The following DSCAML1 variants were observed in gnomAD, a reference collection of about 807,000 sequenced individuals.
The protein encoded by DSCAML1 is cell adhesion molecule DSCAML1.
A neutral mutation model predicts 200.5 loss-of-function variants in DSCAML1; 38 were observed. That is an observed-to-expected ratio of 0.19 (90% CI 0.15 to 0.25). DSCAML1 has a LOEUF of 0.25. DSCAML1 is among the 10% of genes least tolerant of loss of function. The probability of loss-of-function intolerance (pLI) is 1.00; values close to 1 mark genes in which losing one functional copy is unlikely to be tolerated. For synonymous variants in DSCAML1, 1,215 were observed against 1,165.0 expected (o/e 1.04, Z -0.87); for missense variants, 2,223 against 2,858.8 (o/e 0.78, Z 5.07).
intron 3 of DSCAML1, among the ~76,000 whole-genome samples, chr11:117,608,411 T>C (rs2137525056): frequency 6.6e-6 from 1 of 152,344 alleles, no homozygotes; most frequent in East Asian, 1.9e-4. Flanking sequence ...TCTATTAACA[T>C]TTTGGTGTCT....
chr11:117,435,158 A>G (rs1209223569), intron 27 of DSCAML1, among the ~76,000 whole-genome samples: 1 of 152,240 alleles, frequency 6.6e-6, no homozygotes, highest in African/African-American at 2.4e-5. Flanking sequence ...GGCATCAGGT[A>G]ATGGAAAAAG....
intron 11 of DSCAML1, among the ~76,000 whole-genome samples, chr11:117,482,801 C>G (rs936310382): frequency 6.6e-6 from 1 of 152,218 alleles, no homozygotes; most frequent in Non-Finnish European, 1.5e-5. Context: ...CTCCCACATT[C>G]ATGGATCCCC....
At chr11:117,506,979 C>A (rs964910877) in intron 8 of DSCAML1, among the ~76,000 whole-genome samples, 19 of 152,150 alleles carry the variant, frequency 1.2e-4, no homozygotes, top group African/African-American at 4.3e-4. Flanking sequence ...GCCTTCCTCC[C>A]GCTAGAAATG....
intron 3 of DSCAML1, among the ~76,000 whole-genome samples, chr11:117,554,589 C>G (rs1224806626): frequency 6.6e-6 from 1 of 152,166 alleles, no homozygotes; most frequent in Admixed American, 6.5e-5. Context: ...GTTGACCAGG[C>G]TGGTCTCGAA....
upstream of DSCAML1, chr11:117,802,038 AAG>A (rs1388886286): frequency 6.6e-6 from 1 of 152,268 alleles, no homozygotes; most frequent in Non-Finnish European, 1.5e-5. Flanking sequence ...TATGGAAACT[AAG>A]AGAGATAGGA....
intron 3 of DSCAML1, among the ~76,000 whole-genome samples, chr11:117,549,420 G>C (rs1252246319): frequency 6.6e-6 from 1 of 152,200 alleles, no homozygotes; most frequent in African/African-American, 2.4e-5. Context: ...ATGAATCTTG[G>C]CTACTCTGCC....
At chr11:117,634,746 G>T (rs186673615) in intron 3 of DSCAML1, among the ~76,000 whole-genome samples, 1 of 152,298 alleles carries the variant, frequency 6.6e-6, no homozygotes, top group Admixed American at 6.5e-5. Flanking sequence ...GTCCCCAGCT[G>T]CAAGGTGGTC....
Position 117,469,028 on chromosome 11 carries a change from C to T in DSCAML1, c.3024+882G>A, listed in dbSNP as rs2048636045. On this transcript the variant is annotated intron_variant, in intron 16 of 32. Coordinates refer to ENST00000651296, the MANE Select transcript of DSCAML1 (RefSeq NM_020693.4). The surrounding 1 kb of genome is among the most constrained non-coding windows in gnomAD (Gnocchi z 4.1). ...GAAGGCCCTGAGAATGCTCTCTGAT[C>T]CAGAGCCCTGTGCAGTGGCTGTGGA... Among the ~76,000 whole-genome samples, 1 of 152,154 alleles carries T rather than the reference C, an allele frequency of 6.6e-6. No individual in the cohort carries two copies. The highest frequency in any genetic ancestry group is 2.4e-5 in the African/African-American group (1 of 41,422).
intron 4 of DSCAML1, among the ~76,000 whole-genome samples, chr11:117,529,228 C>A (rs912232306): frequency 1.3e-5 from 2 of 152,090 alleles, no homozygotes; most frequent in Non-Finnish European, 2.9e-5. Flanking sequence ...CAGGTATGTG[C>A]CACCACACTC....
chr11:117,746,166 G>T (rs1398443246), intron 3 of DSCAML1, among the ~76,000 whole-genome samples: 1 of 132,306 alleles, frequency 7.6e-6, no homozygotes, highest in Admixed American at 8.7e-5. Flanking sequence ...AGCTTACAGT[G>T]AGCCCAGATC....
At chr11:117,439,180 A>G in intron 23 of DSCAML1, 86 bp downstream of exon 23, 1 of 1,546,012 alleles carries the variant, frequency 6.5e-7, no homozygotes, top group East Asian at 2.3e-5. Context: ...GGCTTCTTCC[A>G]TTCGATGACC....
intron 3 of DSCAML1, among the ~76,000 whole-genome samples, chr11:117,593,134 T>C (rs2095795560): frequency 6.6e-6 from 1 of 152,104 alleles, no homozygotes; most frequent in Non-Finnish European, 1.5e-5. Context: ...GTGAGGGGCA[T>C]AGGCCCAGCT....
At chr11:117,435,453 A>G (rs1280587032) in intron 27 of DSCAML1, among the ~76,000 whole-genome samples, 191 bp downstream of exon 27, 1 of 152,256 alleles carries the variant, frequency 6.6e-6, no homozygotes, top group Non-Finnish European at 1.5e-5. Flanking sequence ...TCTTGGGGGC[A>G]TAGAGGAGGA....
intron 3 of DSCAML1, among the ~76,000 whole-genome samples, chr11:117,749,519 T>C (rs145222085): frequency 6.6e-6 from 1 of 152,298 alleles, no homozygotes; most frequent in East Asian, 1.9e-4. Flanking sequence ...AAAACAGCTT[T>C]ATAAGCCCTC....
chr11:117,667,170 G>A (rs2052996082), intron 3 of DSCAML1, among the ~76,000 whole-genome samples: 1 of 152,204 alleles, frequency 6.6e-6, no homozygotes, highest in Non-Finnish European at 1.5e-5. Context: ...CCAGCACTTC[G>A]GGAGGCCAAG....
At chr11:117,688,420 T>C (rs1191967065) in intron 3 of DSCAML1, among the ~76,000 whole-genome samples, 1 of 152,092 alleles carries the variant, frequency 6.6e-6, no homozygotes, top group Admixed American at 6.5e-5. Flanking sequence ...GGACAAGAGT[T>C]GGGAAGGATA....
chr11:117,632,114 C>T (rs973089101), intron 3 of DSCAML1, among the ~76,000 whole-genome samples: 12 of 152,310 alleles, frequency 7.9e-5, no homozygotes, highest in South Asian at 6.2e-4. Flanking sequence ...CAGACACGAC[C>T]GGAGGCTTTT....
At chr11:117,608,152 A>G (rs527846777) in intron 3 of DSCAML1, among the ~76,000 whole-genome samples, 1 of 152,348 alleles carries the variant, frequency 6.6e-6, no homozygotes, top group South Asian at 2.1e-4. Context: ...CTAGCGGGTA[A>G]ATCTACGGGG....
chr11:117,438,200 G>A, intron 24 of DSCAML1, 117 bp from the exon 25 acceptor site: 6 of 1,045,054 alleles, frequency 5.7e-6, no homozygotes, highest in Admixed American at 2.8e-5. Flanking sequence ...TCAGGCTTTT[G>A]GTCATTGGAA....
Sources: gnomAD v4.1 joint callset for allele counts (sites outside exome capture counted in the v4.1 genomes callset) on GRCh38, gnomAD v4.1.1 for gene constraint, Gnocchi (gnomAD v3.1) non-coding constraint, MANE v1.5 for transcripts, NCBI Gene and HGNC (gene_info 2026-07-23, HGNC 2026-07-21) for gene names.